Variants in TMEM163 observed in about 807,000 individuals in gnomAD.
The protein encoded by TMEM163 is transmembrane protein 163.
TMEM163 carries 17 observed loss-of-function variants against 29.3 expected under a neutral mutation model. The observed-to-expected ratio is 0.58, with a 90% CI of 0.40 to 0.87. TMEM163 has a LOEUF of 0.87. TMEM163 is among the 40% of genes least tolerant of loss of function. The pLI is 0.00. For synonymous variants in TMEM163, 157 were observed against 160.6 expected (o/e 0.98, Z 0.17); for missense variants, 303 against 381.5 (o/e 0.79, Z 1.71).
At chr2:134,615,378 T>C (rs1053949639) in intron 2 of TMEM163, among the ~76,000 whole-genome samples, 3 of 152,196 alleles carry the variant, frequency 2.0e-5, no homozygotes, top group Admixed American at 1.3e-4. Flanking sequence ...TCCAAAAATA[T>C]CAGCGGTTTA....
In TMEM163 at chr2:134,644,200, T is replaced by C. The variant is rs150770679; in HGVS notation, c.322+69000A>G. Among the ~76,000 whole-genome samples the C allele has an allele frequency of 1.8e-3, 271 of 152,260 alleles. 3 individuals are homozygous for C. Among genetic ancestry groups the C allele is most frequent in the African/African-American group, 6.0e-3 (251 of 41,580 alleles). ...ATGTACATGTCTGTAAACTTATCTA[T>C]AGATTTAAGAAAAGGCCATTGAATT... On this transcript the variant is annotated intron_variant, in intron 2 of 7. Transcript: ENST00000281924.
chr2:134,585,489 A>AT (rs1162856998), intron 2 of TMEM163, among the ~76,000 whole-genome samples: 3 of 152,198 alleles, frequency 2.0e-5, no homozygotes, highest in Non-Finnish European at 4.4e-5. Context: ...CACGCCTGTA[A>AT]TCCAGCACTT....
In TMEM163 at chr2:134,710,782, C is replaced by T. The variant is rs566357449; in HGVS notation, c.322+2418G>A. On this transcript the variant is annotated intron_variant, in intron 2 of 7. Transcript: ENST00000281924. ...AAGAAGCCATGTCCATAAATACAGT[C>T]GCTTTCTCTTCATCATGATTAACAC... Among the ~76,000 whole-genome samples, 6 of 152,174 alleles carry T rather than the reference C, an allele frequency of 3.9e-5. No homozygotes were observed. The South Asian group carries it at 1.0e-3, about 26-fold the overall frequency.
rs1686398553 is a variant in TMEM163 at position 134,456,512 on chromosome 2, G to A, written c.*204C>T. 3.3e-6 allele frequency: 2 copies of A among 610,760 alleles called. No individual in the cohort carries two copies. The allele number at this position is 610,760 out of a possible 1,614,324, so 37.8% of individuals were successfully genotyped here. A position where few individuals can be genotyped will look rare whatever the true frequency, so the allele number is the denominator to read the frequency against. On this transcript the variant is annotated 3_prime_UTR_variant, in exon 8 of 8. Transcript: ENST00000281924. Reference sequence around the variant, plus strand: ...GACGGGGAAGGAGGTCCATTCCTATGGGCATTGTCCCAACATGTTTGATGG... The same window carrying A: ...GACGGGGAAGGAGGTCCATTCCTATAGGCATTGTCCCAACATGTTTGATGG...
At chr2:134,658,473 T>C (rs72970183) in intron 2 of TMEM163, among the ~76,000 whole-genome samples, 6,625 of 152,168 alleles carry the variant, frequency 0.044, 484 homozygotes, top group African/African-American at 0.15. Flanking sequence ...ATCCTGGTGT[T>C]GTTCTGAGTA....
chr2:134,715,706 A>G (rs970779480), intron 1 of TMEM163, among the ~76,000 whole-genome samples: 5 of 152,230 alleles, frequency 3.3e-5, no homozygotes, highest in African/African-American at 1.2e-4. Context: ...CACACTCACA[A>G]GTTACAAAGA....
chr2:134,556,125 T>A (rs1003502374), intron 2 of TMEM163, among the ~76,000 whole-genome samples: 1 of 152,218 alleles, frequency 6.6e-6, no homozygotes, highest in African/African-American at 2.4e-5. Flanking sequence ...TGCCTGAGAA[T>A]GAAGCCAACA....
chr2:134,540,987 T>C (rs991977311), intron 4 of TMEM163, among the ~76,000 whole-genome samples: 10 of 152,220 alleles, frequency 6.6e-5, no homozygotes, highest in East Asian at 1.9e-4. Context: ...GTGAGGGAGA[T>C]GGACAAGTCA....
chr2:134,464,554 G>A (rs1686620053), intron 6 of TMEM163, among the ~76,000 whole-genome samples: 1 of 152,096 alleles, frequency 6.6e-6, no homozygotes, highest in Non-Finnish European at 1.5e-5. Flanking sequence ...GGAACCCCAC[G>A]CACATCCATG....
chr2:134,484,984 G>T (rs777885174), intron 5 of TMEM163, among the ~76,000 whole-genome samples: 1 of 152,096 alleles, frequency 6.6e-6, no homozygotes, highest in Non-Finnish European at 1.5e-5. Flanking sequence ...GACTAACTTG[G>T]ATAAAAACAA....
intron 2 of TMEM163, among the ~76,000 whole-genome samples, chr2:134,681,413 C>T (rs1312103860): frequency 6.6e-6 from 1 of 152,208 alleles, no homozygotes; most frequent in Non-Finnish European, 1.5e-5. Context: ...CCCGGTCAAG[C>T]TCAGCCAACC....
chr2:134,689,948 G>A (rs903063937), intron 2 of TMEM163, among the ~76,000 whole-genome samples: 1 of 150,456 alleles, frequency 6.6e-6, no homozygotes, highest in Non-Finnish European at 1.5e-5. Context: ...GTTTGTTTTT[G>A]GAGGCAGAGT....
At chr2:134,713,074 C>T (rs1684960340) in intron 2 of TMEM163, 126 bp downstream of exon 2, 2 of 1,388,718 alleles carry the variant, frequency 1.4e-6, no homozygotes, top group Non-Finnish European at 1.9e-6. Context: ...CCCTGACTAT[C>T]CAACAATCTA....
chr2:134,599,300 A>G (rs934189596), intron 2 of TMEM163, among the ~76,000 whole-genome samples: 1 of 152,200 alleles, frequency 6.6e-6, no homozygotes, highest in Non-Finnish European at 1.5e-5. Context: ...TGTAAAGAGT[A>G]GGGACTAAAT....
intron 2 of TMEM163, among the ~76,000 whole-genome samples, chr2:134,582,026 G>T (rs896678078): frequency 6.6e-6 from 1 of 152,178 alleles, no homozygotes; most frequent in Admixed American, 6.5e-5. Context: ...CACTGCTTGG[G>T]TTCACACACA....
At chr2:134,568,451 C>A (rs956542690) in intron 2 of TMEM163, among the ~76,000 whole-genome samples, 2 of 151,684 alleles carry the variant, frequency 1.3e-5, no homozygotes, top group Admixed American at 1.3e-4. Context: ...TGCTTGAACC[C>A]GGGAGGTGGA....
intron 2 of TMEM163, among the ~76,000 whole-genome samples, chr2:134,643,192 A>G (rs1023515326): frequency 6.6e-6 from 1 of 152,190 alleles, no homozygotes; most frequent in African/African-American, 2.4e-5. Context: ...TAAAAGAATA[A>G]TAAGTAATAT....
intron 2 of TMEM163, among the ~76,000 whole-genome samples, chr2:134,581,997 T>C (rs1307319297): frequency 2.0e-5 from 3 of 152,110 alleles, no homozygotes; most frequent in Non-Finnish European, 4.4e-5. Context: ...CATAGAAGTA[T>C]CAACAGCACT....
intron 2 of TMEM163, among the ~76,000 whole-genome samples, chr2:134,677,360 A>C (rs1684137968): frequency 6.6e-6 from 1 of 152,238 alleles, no homozygotes. Flanking sequence ...GAAAGACTAC[A>C]GAAAAAAGCT....
Sources: gnomAD v4.1 joint callset for allele counts (sites outside exome capture counted in the v4.1 genomes callset) on GRCh38, gnomAD v4.1.1 for gene constraint, MANE v1.5 for transcripts, NCBI Gene and HGNC (gene_info 2026-07-23, HGNC 2026-07-21) for gene names.